Variants in CNBD2 observed in about 807,000 individuals in gnomAD.
The protein encoded by CNBD2 is cyclic nucleotide binding domain containing 2.
In CNBD2, 64 loss-of-function variants were observed where a neutral mutation model predicts 63.7. The observed-to-expected ratio is 1.00, with a 90% CI of 0.82 to 1.24. CNBD2 has a LOEUF of 1.24. Ranked by LOEUF, CNBD2 falls within the 50% of genes most tolerant of loss-of-function variation. CNBD2 has a pLI of 0.00. For synonymous variants in CNBD2, 229 were observed against 255.4 expected (o/e 0.90, Z 0.99); for missense variants, 691 against 713.5 (o/e 0.97, Z 0.36).
intron 8 of CNBD2, among the ~76,000 whole-genome samples, chr20:36,005,178 T>A (rs976121814): frequency 9.2e-5 from 14 of 152,190 alleles, no homozygotes; most frequent in South Asian, 2.1e-4. Flanking sequence ...AGTTCAGCGG[T>A]CCCCAAACTT....
chr20:36,013,848 T>C (rs1422513801), intron 10 of CNBD2, among the ~76,000 whole-genome samples: 1 of 152,086 alleles, frequency 6.6e-6, no homozygotes, highest in Non-Finnish European at 1.5e-5. Context: ...GTCACTGAAA[T>C]TTAACTCAAT....
chr20:35,965,549 G>A (rs1226581791), upstream of CNBD2, among the ~76,000 whole-genome samples: 1 of 152,182 alleles, frequency 6.6e-6, no homozygotes, highest in Non-Finnish European at 1.5e-5. Context: ...GAGGCCCCAA[G>A]TAGTTAAGTG....
chr20:36,008,235 C>T (rs2057010532), intron 8 of CNBD2, 62 bp from the exon 9 acceptor site: 6 of 1,373,290 alleles, frequency 4.4e-6, no homozygotes, highest in Non-Finnish European at 5.0e-6. Context: ...TCAACTACTA[C>T]CACCATAACC....
At chr20:35,985,502 T>G (rs534554699) in intron 6 of CNBD2, among the ~76,000 whole-genome samples, 10 of 149,494 alleles carry the variant, frequency 6.7e-5, no homozygotes, top group Middle Eastern at 3.5e-3. Context: ...TTTTTTTTTT[T>G]TGAGAGAGGG....
At chr20:36,014,523 G>C (rs1473220284) in intron 10 of CNBD2, among the ~76,000 whole-genome samples, 1 of 151,950 alleles carries the variant, frequency 6.6e-6, no homozygotes, top group Non-Finnish European at 1.5e-5. Flanking sequence ...TAGAGACGGG[G>C]TTTCACCATG....
intron 10 of CNBD2, 104 bp from the exon 11 acceptor site, chr20:36,023,498 A>G: frequency 3.7e-6 from 4 of 1,076,982 alleles, no homozygotes; most frequent in Admixed American, 2.8e-5. Context: ...GGGCAACAAC[A>G]GCGAAACTCC....
At chr20:36,018,701 A>G (rs185671044) in intron 10 of CNBD2, among the ~76,000 whole-genome samples, 1 of 152,324 alleles carries the variant, frequency 6.6e-6, no homozygotes, top group Admixed American at 6.5e-5. Context: ...GCCAGGAGAT[A>G]TAGGAAGTCC....
intron 3 of CNBD2, among the ~76,000 whole-genome samples, chr20:35,978,948 T>G (rs2056560088): frequency 6.6e-6 from 1 of 152,206 alleles, no homozygotes; most frequent in African/African-American, 2.4e-5. Context: ...TGATTTCTAA[T>G]GGAAAATATG....
At chr20:35,964,451 C>T (rs1237592836), upstream of CNBD2, among the ~76,000 whole-genome samples, 30 of 151,490 alleles carry the variant, frequency 2.0e-4, no homozygotes, top group African/African-American at 7.0e-4. Context: ...AATGCAGTGG[C>T]TCAATCTTGG....
At position 36,020,361 on chromosome 20, in the gene CNBD2, A is replaced by G. The variant is rs184827780; in HGVS notation, c.1270-3241A>G. On this transcript the variant is annotated intron_variant, in intron 10 of 11. Transcript: ENST00000373973. ...CTCCCAAAGTGCTGGGATTACAGGC[A>G]TGAGCCACTGCGCCCGGCCGATGTT... is the stretch of plus-strand genomic sequence containing the variant. Among the ~76,000 whole-genome samples the G allele has an allele frequency of 1.7e-4, 26 of 152,268 alleles. No individual in the cohort carries two copies. The East Asian group carries it at 3.1e-3, about 18-fold the overall frequency.
At chr20:36,025,344 T>A (rs2057270462) in intron 11 of CNBD2, among the ~76,000 whole-genome samples, 1 of 152,204 alleles carries the variant, frequency 6.6e-6, no homozygotes, top group Non-Finnish European at 1.5e-5. Context: ...TTTATTTACT[T>A]ATTTTTTTGA....
intron 10 of CNBD2, among the ~76,000 whole-genome samples, chr20:36,021,220 C>G (rs572596097): frequency 2.8e-4 from 43 of 152,248 alleles, no homozygotes; most frequent in African/African-American, 9.9e-4. Flanking sequence ...GAATATCATT[C>G]AGCCATAAAA....
At chr20:35,954,416 C>G (rs1461413942), upstream of CNBD2, 18 of 1,552,356 alleles carry the variant, frequency 1.2e-5, no homozygotes, top group Non-Finnish European at 1.5e-5. Context: ...GGGAGTCGGA[C>G]TCGGGACCGG....
At chr20:36,024,336 A>G (rs1166923687) in intron 11 of CNBD2, among the ~76,000 whole-genome samples, 1 of 151,708 alleles carries the variant, frequency 6.6e-6, no homozygotes, top group East Asian at 1.9e-4. Flanking sequence ...CTGTGTGTTA[A>G]AAAATAATAA....
rs373113225 is a variant in CNBD2 at position 35,980,613 on chromosome 20, G to T, written c.398G>T (p.Arg133Leu). The T allele has an allele frequency of 1.2e-5, 19 of 1,613,228 alleles. No individual in the cohort carries two copies. Among genetic ancestry groups the T allele is most frequent in the Non-Finnish European group, 1.6e-5 (19 of 1,180,000 alleles). Residue 133 changes from arginine to leucine, a missense_variant, in exon 4 of 12, where the codon CGC becomes CTC. Transcript: ENST00000373973. ...CAGCTGCTCCTGGCCAAAGTCATGCGCTTTGAACGGTCAGTGAGGGGCACA... is the reference window on the plus strand; with the variant it reads ...CAGCTGCTCCTGGCCAAAGTCATGCTCTTTGAACGGTCAGTGAGGGGCACA... ...PLQLLLAKVM[R>L]FERFGRRRVI...
chr20:36,019,821 C>T (rs1487556994), intron 10 of CNBD2, among the ~76,000 whole-genome samples: 1 of 152,190 alleles, frequency 6.6e-6, no homozygotes, highest in Non-Finnish European at 1.5e-5. Context: ...AAGCAACTGA[C>T]TCCAGCTGTG....
intron 10 of CNBD2, among the ~76,000 whole-genome samples, chr20:36,018,906 A>C (rs1288712708): frequency 6.6e-6 from 1 of 152,202 alleles, no homozygotes; most frequent in Non-Finnish European, 1.5e-5. Context: ...GAGGAGATTC[A>C]TCTGGGTGAG....
rs984526963 is a variant in CNBD2, at chr20:36,030,496, C to A, written c.1579C>A (p.Pro527Thr). The change falls in exon 12 of 12, where the codon CCT (proline) becomes ACT (threonine). Residue 527 changes from proline to threonine, a missense_variant. Coordinates refer to ENST00000373973, the MANE Select transcript of CNBD2 (RefSeq NM_001365709.1). ...GCCCAAGAAGAGAGAGATCTACAACCCTAAGTCTGTGGTCCTGGATTTGTG... is the reference window on the plus strand; with the variant it reads ...GCCCAAGAAGAGAGAGATCTACAACACTAAGTCTGTGGTCCTGGATTTGTG... ...NRPKKREIYNPKSVVLDLCSI... is the reference protein window; with the variant it reads ...NRPKKREIYNTKSVVLDLCSI... 3.7e-6 allele frequency: 6 copies of A among 1,614,160 alleles called. No homozygotes were observed. Among genetic ancestry groups the A allele is most frequent in the Non-Finnish European group, 5.1e-6 (6 of 1,180,018 alleles).
chr20:36,030,433 G>T lies in CNBD2; in HGVS notation c.1516G>T (p.Val506Leu). The T allele has an allele frequency of 1.2e-6, 2 of 1,614,108 alleles. No homozygotes were observed. Among genetic ancestry groups the T allele is most frequent in the Non-Finnish European group, 8.5e-7 (1 of 1,180,026 alleles). Residue 506 changes from valine to leucine, a missense_variant, in exon 12 of 12, where the codon GTG becomes TTG. Transcript: ENST00000373973. ...IFRKDLLQLL[V>L]EPCQSQLFTP... Reference sequence around the variant, plus strand: ...TCGGAAGGACCTGTTGCAGCTGCTCGTGGAGCCTTGCCAAAGTCAACTGTT... The same window carrying T: ...TCGGAAGGACCTGTTGCAGCTGCTCTTGGAGCCTTGCCAAAGTCAACTGTT...
Sources: gnomAD v4.1 joint callset for allele counts (sites outside exome capture counted in the v4.1 genomes callset) on GRCh38, gnomAD v4.1.1 for gene constraint, MANE v1.5 for transcripts, NCBI Gene and HGNC (gene_info 2026-07-23, HGNC 2026-07-21) for gene names.